MYO1B: variants seen among roughly 807,000 people sequenced by gnomAD.
MYO1B encodes the protein myosin IB.
Under a neutral mutation model 159.7 loss-of-function variants are expected in MYO1B, and 72 were observed. That is an observed-to-expected ratio of 0.45 (90% confidence interval 0.37 to 0.55). The LOEUF is 0.55. Among genes scored for constraint, MYO1B ranks in the 20% least tolerant of loss-of-function variants. The pLI is 0.00. For missense variants in MYO1B, 1,062 were observed against 1,364.8 expected (o/e 0.78, Z 3.50); for synonymous variants, 468 against 473.8 (o/e 0.99, Z 0.16).
At chr2:191,360,574 CATGGTGGATTTGGAAGTGAAACAA>C in intron 7 of MYO1B, 33 bp from the exon 8 acceptor site, 1 of 1,057,990 alleles carries the variant, frequency 9.5e-7, no homozygotes, top group African/African-American at 1.6e-5. Flanking sequence ...GGAAAAAAAG[CATGGTGGATTTGGAAGTGAAACAA>C]ATGCCATACT....
At chr2:191,390,755 A>G (rs1001537787) in intron 18 of MYO1B, among the ~76,000 whole-genome samples, 2 of 152,016 alleles carry the variant, frequency 1.3e-5, no homozygotes, top group Non-Finnish European at 2.9e-5. Context: ...TTGTAATTTG[A>G]TACACTTATA....
intron 29 of MYO1B, 50 bp downstream of exon 29, chr2:191,414,719 T>TA: frequency 1.3e-6 from 2 of 1,554,884 alleles, no homozygotes; most frequent in Non-Finnish European, 8.7e-7. Flanking sequence ...GCCATTGATT[T>TA]AAAAAATTTC....
At chr2:191,309,241 T>A (rs1280087443) in intron 3 of MYO1B, among the ~76,000 whole-genome samples, 1 of 152,198 alleles carries the variant, frequency 6.6e-6, no homozygotes, top group African/African-American at 2.4e-5. Flanking sequence ...CATCCTTTGG[T>A]TACTCGATGC....
chr2:191,296,422 A>G (rs927344003), intron 3 of MYO1B, among the ~76,000 whole-genome samples, 196 bp downstream of exon 3: 1 of 152,176 alleles, frequency 6.6e-6, no homozygotes, highest in Non-Finnish European at 1.5e-5. Context: ...TTGACGTCAG[A>G]CTTTTCTGAA....
In MYO1B at chr2:191,425,118, A is replaced by G. The variant is rs1344070993; in HGVS notation, c.*1158A>G. On this transcript the variant is annotated 3_prime_UTR_variant, in exon 31 of 31. Coordinates refer to ENST00000392318, the MANE Select transcript of MYO1B (RefSeq NM_001130158.3). ...TTATTTGGGAGGATAATGTATATAC[A>G]TTGGTATTATGTTAAATAATAAAAT... 1 of 151,962 alleles carries G rather than the reference A, an allele frequency of 6.6e-6. No homozygotes were observed. The highest frequency in any genetic ancestry group is 1.5e-5 in the Non-Finnish European group (1 of 67,926). The allele number at this position is 151,962 out of a possible 1,614,324, so 9.4% of individuals were successfully genotyped here. A position where few individuals can be genotyped will look rare whatever the true frequency, so the allele number is the denominator to read the frequency against.
At chr2:191,372,110 T>C (rs931913105) in intron 13 of MYO1B, among the ~76,000 whole-genome samples, 8 of 152,264 alleles carry the variant, frequency 5.3e-5, no homozygotes, top group Non-Finnish European at 7.3e-5. Flanking sequence ...AGCACATTGC[T>C]GTGCTAATCT....
chr2:191,360,774 G>C, intron 8 of MYO1B, 45 bp downstream of exon 8: 1 of 1,343,090 alleles, frequency 7.4e-7, no homozygotes, highest in Non-Finnish European at 1.1e-6. Context: ...TGTTGTTGTT[G>C]TTGTTGTTGT....
intron 2 of MYO1B, among the ~76,000 whole-genome samples, chr2:191,279,637 C>T (rs1687937763): frequency 6.6e-6 from 1 of 152,114 alleles, no homozygotes; most frequent in Admixed American, 6.5e-5. Context: ...CCTGCTTTGC[C>T]TTTGTTCATG....
chr2:191,370,502 A>C (rs1694294275), intron 13 of MYO1B, among the ~76,000 whole-genome samples: 1 of 148,018 alleles, frequency 6.8e-6, no homozygotes, highest in African/African-American at 2.4e-5. Flanking sequence ...TGTGTGCCTG[A>C]GTGTGTGTGT....
chr2:191,380,269 A>C (rs999892311), intron 13 of MYO1B, among the ~76,000 whole-genome samples: 2 of 152,216 alleles, frequency 1.3e-5, no homozygotes, highest in Non-Finnish European at 2.9e-5. Context: ...CAACTTTCAG[A>C]AGACTCTGTG....
At chr2:191,294,454 C>T (rs1688863641) in intron 2 of MYO1B, among the ~76,000 whole-genome samples, 1 of 152,162 alleles carries the variant, frequency 6.6e-6, no homozygotes, top group African/African-American at 2.4e-5. Context: ...TTCATATTTA[C>T]CAAGGCTACT....
chr2:191,248,862 A>G lies in MYO1B; in HGVS notation c.-10+3236A>G, dbSNP rs181978909. On this transcript the variant is annotated intron_variant, in intron 1 of 30. Transcript: ENST00000392318. ...TTGGTTAGCCCCTGGCAGATGTCAA[A>G]TTACTTTCACGTCTATTATTGTAGT... 2.0e-5 allele frequency among the ~76,000 whole-genome samples: 3 copies of G among 152,294 alleles called. No homozygotes were observed. The East Asian group carries it at 5.8e-4, about 29-fold the overall frequency.
At chr2:191,258,796 C>T (rs1396741087) in intron 1 of MYO1B, among the ~76,000 whole-genome samples, 3 of 152,194 alleles carry the variant, frequency 2.0e-5, no homozygotes, top group Admixed American at 1.3e-4. Flanking sequence ...GCATGGAACA[C>T]ATAATGCTAG....
chr2:191,308,839 C>G (rs1332078986), intron 3 of MYO1B, among the ~76,000 whole-genome samples: 1 of 152,200 alleles, frequency 6.6e-6, no homozygotes, highest in Non-Finnish European at 1.5e-5. Flanking sequence ...CATTTGACAA[C>G]ATGACCAGCT....
chr2:191,379,519 G>C (rs1376369519), intron 13 of MYO1B, among the ~76,000 whole-genome samples: 1 of 152,208 alleles, frequency 6.6e-6, no homozygotes, highest in Admixed American at 6.5e-5. Flanking sequence ...TCATGGTCCT[G>C]TTTTAGAAGT....
intron 1 of MYO1B, among the ~76,000 whole-genome samples, chr2:191,265,446 G>A (rs1396645796): frequency 2.0e-5 from 3 of 152,118 alleles, no homozygotes. Context: ...ACTTTGTTGA[G>A]GATCTTAGCA....
chr2:191,411,222 C>T, intron 27 of MYO1B, 50 bp downstream of exon 27: 1 of 1,258,346 alleles, frequency 7.9e-7, no homozygotes, highest in Non-Finnish European at 1.1e-6. Context: ...AAAAGTTTCT[C>T]AAGTATATTT....
intron 11 of MYO1B, 88 bp from the exon 12 acceptor site, chr2:191,369,454 T>G (rs914950648): frequency 2.0e-6 from 2 of 1,005,784 alleles, no homozygotes; most frequent in Non-Finnish European, 3.0e-6. Context: ...GAGCTTCAAA[T>G]ATTTTTTAAA....
Position 191,400,514 on chromosome 2 carries a change from A to T in MYO1B, c.2382+46A>T, listed in dbSNP as rs545285211. 4 of 1,593,902 alleles carry T rather than the reference A, an allele frequency of 2.5e-6. No homozygotes were observed. In the South Asian group the frequency reaches 4.4e-5, roughly 18 times the overall value. On this transcript the variant is annotated intron_variant, in intron 22 of 30. Transcript: ENST00000392318. Reference sequence around the variant, plus strand: ...AAGGCGGTGGGTCAGCAGTAACGTCATGTGGAACCATGAACCCTCGGCTTC... The same window carrying T: ...AAGGCGGTGGGTCAGCAGTAACGTCTTGTGGAACCATGAACCCTCGGCTTC...
Sources: allele counts gnomAD v4.1 joint callset (sites outside exome capture counted in the v4.1 genomes callset), GRCh38; gene constraint gnomAD v4.1.1; transcripts MANE v1.5; gene names NCBI Gene and HGNC (gene_info 2026-07-23, HGNC 2026-07-21).